Variants in CPNE5 observed in about 807,000 individuals in gnomAD.
CPNE5 encodes copine-5.
CPNE5 carries 42 observed loss-of-function variants against 81.1 expected under a neutral mutation model. That is an observed-to-expected ratio of 0.52 (90% CI 0.40 to 0.67). CPNE5 has a LOEUF of 0.67. Ranked by LOEUF, CPNE5 falls within the 30% of genes least tolerant of loss-of-function variation. CPNE5 has a pLI of 0.00. For missense variants in CPNE5, 612 were observed against 815.5 expected (o/e 0.75, Z 3.04); for synonymous variants, 313 against 321.5 (o/e 0.97, Z 0.28).
chr6:36,770,280 G>A (rs1452814672), intron 10 of CPNE5, among the ~76,000 whole-genome samples: 1 of 152,200 alleles, frequency 6.6e-6, no homozygotes, highest in Non-Finnish European at 1.5e-5. Context: ...GGGAAATGCA[G>A]CTTCTCCTTA....
In CPNE5 at chr6:36,763,982, C is replaced by T. The variant is rs201903792; in HGVS notation, c.780-990G>A. ...CTCCCACTGACCCCAGGGTTGGCTC[C>T]TTTAACTTCCCCAGTCACTGCCAGA... On this transcript the variant is annotated intron_variant, in intron 11 of 20. Transcript: ENST00000244751. 3.3e-5 allele frequency among the ~76,000 whole-genome samples: 5 copies of T among 152,250 alleles called. 1 individual carries two copies. In the East Asian group the frequency reaches 9.6e-4, roughly 29 times the overall value.
intron 1 of CPNE5, among the ~76,000 whole-genome samples, chr6:36,829,615 C>G (rs1320358520): frequency 6.6e-6 from 1 of 151,956 alleles, no homozygotes; most frequent in Non-Finnish European, 1.5e-5. Context: ...GAGTTCGAGA[C>G]CAGCCTGACC....
chr6:36,744,897 G>C, intron 18 of CPNE5, 151 bp downstream of exon 18: 12 of 643,436 alleles, frequency 1.9e-5, no homozygotes, highest in South Asian at 5.3e-5. Context: ...AGGGCAGTGG[G>C]GCCCAGTGAG....
At chr6:36,781,804 G>C (rs554813692) in intron 8 of CPNE5, among the ~76,000 whole-genome samples, 1 of 152,142 alleles carries the variant, frequency 6.6e-6, no homozygotes, top group Non-Finnish European at 1.5e-5. Context: ...ACAGGTCCCC[G>C]TGTGACTACA....
At chr6:36,833,923 T>C (rs1358990911) in intron 1 of CPNE5, among the ~76,000 whole-genome samples, 2 of 152,044 alleles carry the variant, frequency 1.3e-5, no homozygotes, top group Non-Finnish European at 2.9e-5. Context: ...GTTTGAAATA[T>C]ATAAAAGTAT....
intron 7 of CPNE5, chr6:36,792,297 C>G (rs994114432): frequency 4.0e-6 from 6 of 1,501,190 alleles, no homozygotes; most frequent in Non-Finnish European, 4.5e-6. Context: ...ACCGGGTCCC[C>G]GAGCCTGGAG....
At chr6:36,763,710 T>C (rs1056233330) in intron 11 of CPNE5, among the ~76,000 whole-genome samples, 2 of 152,086 alleles carry the variant, frequency 1.3e-5, no homozygotes, top group Admixed American at 6.6e-5. Flanking sequence ...CAATGAAGCA[T>C]TTAGAGGTAA....
At chr6:36,775,668 C>G (rs1767437727) in intron 9 of CPNE5, among the ~76,000 whole-genome samples, 1 of 152,158 alleles carries the variant, frequency 6.6e-6, no homozygotes, top group Non-Finnish European at 1.5e-5. Flanking sequence ...ACTGCCTGGT[C>G]TCCTGCCTCT....
At chr6:36,789,255 A>C (rs924114994) in intron 8 of CPNE5, among the ~76,000 whole-genome samples, 1 of 152,120 alleles carries the variant, frequency 6.6e-6, no homozygotes, top group African/African-American at 2.4e-5. Context: ...TAAATCAAGA[A>C]AACTGCTGCT....
chr6:36,742,962 C>T, intron 20 of CPNE5: 1 of 985,378 alleles, frequency 1.0e-6, no homozygotes, highest in Non-Finnish European at 1.2e-6. Context: ...CCCGGGGGTG[C>T]CCTCCATCCT....
chr6:36,805,624 G>C (rs1018742350), intron 3 of CPNE5, among the ~76,000 whole-genome samples: 2 of 152,170 alleles, frequency 1.3e-5, no homozygotes, highest in African/African-American at 4.8e-5. Context: ...AGTGACAGGG[G>C]AGGTGACAGG....
rs774279935 is a variant in CPNE5 at position 36,769,377 on chromosome 6, T to C, written c.738-4001A>G. Among the ~76,000 whole-genome samples the C allele has an allele frequency of 1.4e-3, 217 of 152,144 alleles. 3 individuals are homozygous for C. The highest frequency in any genetic ancestry group is 3.2e-3 in the Admixed American group (49 of 15,288). ...AGAGCCACAATGACAGAGCCAGATATGTGTGAGCCTGGGCAAGCCAGCAGG... is the reference window on the plus strand; with the variant it reads ...AGAGCCACAATGACAGAGCCAGATACGTGTGAGCCTGGGCAAGCCAGCAGG... On this transcript the variant is annotated intron_variant, in intron 10 of 20. Transcript: ENST00000244751.
intron 6 of CPNE5, 64 bp from the exon 7 acceptor site, chr6:36,794,713 G>A (rs1769416373): frequency 4.8e-6 from 7 of 1,447,290 alleles, no homozygotes; most frequent in Middle Eastern, 3.5e-4. Context: ...AGACAGGCCA[G>A]CGCACTTGGC....
intron 7 of CPNE5, among the ~76,000 whole-genome samples, chr6:36,794,208 G>T (rs1199170440): frequency 6.6e-6 from 1 of 151,232 alleles, no homozygotes; most frequent in Non-Finnish European, 1.5e-5. Flanking sequence ...AGGAAAGAGG[G>T]GGAGAGAAGG....
chr6:36,770,063 T>C (rs1010177279), intron 10 of CPNE5, among the ~76,000 whole-genome samples: 1 of 152,146 alleles, frequency 6.6e-6, no homozygotes, highest in East Asian at 1.9e-4. Context: ...GTAGGGCAAA[T>C]TCCAGGAAGG....
chr6:36,779,575 CAGG>C (rs1767839509), intron 8 of CPNE5, among the ~76,000 whole-genome samples: 1 of 152,200 alleles, frequency 6.6e-6, no homozygotes, highest in African/African-American at 2.4e-5. Flanking sequence ...CCAATGCTCT[CAGG>C]TAGATACAGT....
In CPNE5 at chr6:36,745,428, C is replaced by T. The variant is rs1022343458; in HGVS notation, c.1288G>A (p.Gly430Ser). The T allele has an allele frequency of 1.9e-6, 3 of 1,607,008 alleles. No homozygotes were observed. The highest frequency in any genetic ancestry group is 2.5e-6 in the Non-Finnish European group (3 of 1,177,458). The change falls in exon 17 of 21, where the codon GGC becomes AGC. Residue 430 changes from glycine to serine, a missense_variant. Gly to Ser is a moderately conservative substitution (Grantham distance 56, BLOSUM62 0). Coordinates refer to ENST00000244751, the MANE Select transcript of CPNE5 (RefSeq NM_020939.2). ...ACCACGGGGGCAAAGTTGGTGGGGCCGTACAGCTGCACAGTGCGCAGGCTG... is the reference window on the plus strand; with the variant it reads ...ACCACGGGGGCAAAGTTGGTGGGGCTGTACAGCTGCACAGTGCGCAGGCTG... ...HRSLRTVQLY[G>S]PTNFAPVVTH...
intron 1 of CPNE5, among the ~76,000 whole-genome samples, chr6:36,831,638 C>CAAAA (rs35409136): frequency 0.016 from 1,319 of 83,834 alleles, 49 homozygotes; most frequent in African/African-American, 0.026. Flanking sequence ...GACACCATCT[C>CAAAA]AAAAAAAAAA....
intron 3 of CPNE5, among the ~76,000 whole-genome samples, chr6:36,807,426 T>G (rs236398): frequency 0.31 from 46,414 of 152,126 alleles, 7,820 homozygotes; most frequent in African/African-American, 0.43. Flanking sequence ...TTACATAATA[T>G]ACTTAGAAGA....
Sources: gnomAD v4.1 joint callset for allele counts (sites outside exome capture counted in the v4.1 genomes callset) on GRCh38, gnomAD v4.1.1 for gene constraint, MANE v1.5 for transcripts, NCBI Gene and HGNC (gene_info 2026-07-23, HGNC 2026-07-21) for gene names.